Variants in TERB1 observed in about 807,000 individuals in gnomAD.
TERB1 encodes the protein telomere repeat binding bouquet formation protein 1.
In TERB1, 63 loss-of-function variants were observed where a neutral mutation model predicts 92.3. That is an observed-to-expected ratio of 0.68 (90% CI 0.56 to 0.84). The LOEUF is 0.84. TERB1 is among the 40% of genes least tolerant of loss of function. The pLI, the probability that TERB1 is intolerant of heterozygous loss-of-function variation, is 0.00. For synonymous variants in TERB1, 252 were observed against 283.9 expected, an observed-to-expected ratio of 0.89 and a Z score of 1.13; for missense variants, 709 against 843.7, an observed-to-expected ratio of 0.84 and a Z score of 1.98.
At chr16:66,787,882 G>A (rs748056602) in intron 6 of TERB1, among the ~76,000 whole-genome samples, 2 of 152,114 alleles carry the variant, frequency 1.3e-5, no homozygotes, top group African/African-American at 2.4e-5. Context: ...CCAACATGGT[G>A]CAACCCCTGT....
intron 16 of TERB1, among the ~76,000 whole-genome samples, chr16:66,761,119 AAAAAAAAGAAAAG>A (rs1297784552): frequency 2.7e-4 from 41 of 150,258 alleles, no homozygotes; most frequent in African/African-American, 9.7e-4. Flanking sequence ...CAAAAAAAAA[AAAAAAAAGAAAAG>A]AAAAGAAAAA....
rs1434869864 is a variant in TERB1 at position 66,770,018 on chromosome 16, T to C, written c.1564A>G (p.Asn522Asp). 6.4e-7 allele frequency: 1 copy of C among 1,551,706 alleles called. No homozygotes were observed. The highest frequency in any genetic ancestry group is 8.7e-7 in the Non-Finnish European group (1 of 1,146,992). ...GTAGTTTCTTCATGTAAGTTTTGATTGCAGCTTGACTTGGCTTTATATAAA... is the reference window on the plus strand; with the variant it reads ...GTAGTTTCTTCATGTAAGTTTTGATCGCAGCTTGACTTGGCTTTATATAAA... ...KTLYKAKSSC[N>D]QNLHEETTFE... Residue 522 changes from asparagine to aspartate, a missense_variant, in exon 14 of 19, where the codon AAT becomes GAT. Coordinates refer to ENST00000433154, the MANE Select transcript of TERB1 (RefSeq NM_001136505.2).
chr16:66,765,849 A>AT (rs10564947), intron 16 of TERB1, among the ~76,000 whole-genome samples: 1,776 of 62,542 alleles, frequency 0.028, 284 homozygotes, highest in East Asian at 0.046. Context: ...ACTATTGGGT[A>AT]TTTTTTTTTT....
At chr16:66,799,157 G>A (rs1260194382) in intron 2 of TERB1, among the ~76,000 whole-genome samples, 1 of 152,126 alleles carries the variant, frequency 6.6e-6, no homozygotes, top group Non-Finnish European at 1.5e-5. Context: ...ACAACCTTAA[G>A]GACTATTTCC....
intron 5 of TERB1, among the ~76,000 whole-genome samples, chr16:66,788,565 T>C (rs1433267646): frequency 6.7e-6 from 1 of 148,158 alleles, no homozygotes; most frequent in Non-Finnish European, 1.5e-5. Flanking sequence ...AAAACTTACC[T>C]GAATAAAAAA....
chr16:66,795,689 G>A (rs1395670381), intron 3 of TERB1, among the ~76,000 whole-genome samples: 1 of 152,198 alleles, frequency 6.6e-6, no homozygotes, highest in Non-Finnish European at 1.5e-5. Context: ...TCCCTCTTCA[G>A]AAATTCTGTC....
At chr16:66,777,609 T>C (rs2018569838) in intron 10 of TERB1, among the ~76,000 whole-genome samples, 1 of 152,176 alleles carries the variant, frequency 6.6e-6, no homozygotes, top group Non-Finnish European at 1.5e-5. Context: ...TTGAAGAATT[T>C]TTTTCTTAAT....
intron 17 of TERB1, 110 bp from the exon 18 acceptor site, chr16:66,758,948 A>G: frequency 1.1e-6 from 1 of 950,370 alleles, no homozygotes; most frequent in Non-Finnish European, 1.6e-6. Context: ...GAATACTTAG[A>G]TAGATTAGGA....
chr16:66,796,736 C>T (rs990486131), intron 3 of TERB1, 32 bp downstream of exon 3: 4 of 1,469,274 alleles, frequency 2.7e-6, no homozygotes, highest in Non-Finnish European at 3.7e-6. Flanking sequence ...ATACAAAACT[C>T]ATTGCAGATA....
intron 10 of TERB1, 73 bp downstream of exon 10, chr16:66,778,790 C>T: frequency 3.3e-6 from 4 of 1,210,948 alleles, no homozygotes; most frequent in Non-Finnish European, 4.4e-6. Flanking sequence ...ATTCAATCTA[C>T]TATTTCAACA....
At position 66,779,083 on chromosome 16, in the gene TERB1, A is replaced by G; in HGVS notation, c.701-68T>C. On this transcript the variant is annotated intron_variant, in intron 9 of 18. Transcript: ENST00000433154. ...ACAGCTGAATGGTTTTATTCAATAA[A>G]TCTGCATTAAATATAACATTGACCT... 4.2e-6 allele frequency: 5 copies of G among 1,191,164 alleles called. No individual in the cohort carries two copies. In the South Asian group the frequency reaches 1.1e-4, roughly 26 times the overall value. The allele number at this position is 1,191,164 out of a possible 1,614,324, so 73.8% of individuals were successfully genotyped here.
chr16:66,766,874 T>C (rs989705377), intron 16 of TERB1, among the ~76,000 whole-genome samples: 4 of 152,208 alleles, frequency 2.6e-5, no homozygotes, highest in African/African-American at 9.6e-5. Flanking sequence ...TTTGAACTCC[T>C]GGCCTCAAGA....
At chr16:66,789,017 C>T (rs1269951742) in intron 5 of TERB1, among the ~76,000 whole-genome samples, 1 of 68,330 alleles carries the variant, frequency 1.5e-5, no homozygotes, top group African/African-American at 4.9e-5. Context: ...GGTATGGTAC[C>T]AAAAAAAAAA....
At chr16:66,790,831 TAAAG>T in intron 4 of TERB1, 74 bp downstream of exon 4, 1 of 1,404,680 alleles carries the variant, frequency 7.1e-7, no homozygotes, top group Non-Finnish European at 9.8e-7. Flanking sequence ...GAATGGAAGA[TAAAG>T]AACTATGCTT....
chr16:66,793,004 T>A (rs1482235112), intron 3 of TERB1, among the ~76,000 whole-genome samples: 2 of 151,312 alleles, frequency 1.3e-5, no homozygotes, highest in Admixed American at 1.3e-4. Flanking sequence ...TTATTTTATT[T>A]TATAAAATTT....
Position 66,772,725 on chromosome 16 carries a change from C to T in TERB1, c.1136G>A (p.Gly379Glu). 1 of 1,542,700 alleles carries T rather than the reference C, an allele frequency of 6.5e-7. No individual in the cohort carries two copies. The highest frequency in any genetic ancestry group is 1.2e-5 in the South Asian group (1 of 82,010). The change falls in exon 13 of 19, where the codon GGA becomes GAA. Residue 379 changes from glycine (G) to glutamate (E), a missense_variant. Gly to Glu is a moderately conservative substitution (Grantham distance 98, BLOSUM62 -2). Transcript: ENST00000433154. ...TTCATTTTCATCAAAAGGATATTCT[C>T]CTAGACTTAGAGATAATTTCTCAGC... ...KITEKLSLSLGEYPFDENETQ... is the reference protein window; with the variant it reads ...KITEKLSLSLEEYPFDENETQ...
rs148244335 is a variant in TERB1 at position 66,790,714 on chromosome 16, C to T, written c.152G>A (p.Ser51Asn). The T allele has an allele frequency of 4.3e-4, 666 of 1,550,730 alleles. 3 individuals are homozygous for T. In the African/African-American group the frequency reaches 8.4e-3, roughly 20 times the overall value. ...HSICQQNSNA[S>N]VYFREIGGLM... ...ACCACCAATTTCCCGAAAATAAACACTTGCATTACCTGTAGGATGTGCAGA... is the reference window on the plus strand; with the variant it reads ...ACCACCAATTTCCCGAAAATAAACATTTGCATTACCTGTAGGATGTGCAGA... The change falls in exon 5 of 19, where the codon AGT becomes AAT. Residue 51 changes from serine (S) to asparagine (N), a missense_variant. Coordinates refer to ENST00000433154, the MANE Select transcript of TERB1 (RefSeq NM_001136505.2).
Position 66,769,969 on chromosome 16 carries a change from T to G in TERB1, c.1613A>C (p.Gln538Pro), listed in dbSNP as rs752926064. 26 of 1,547,794 alleles carry G rather than the reference T, an allele frequency of 1.7e-5. No individual in the cohort carries two copies. In the African/African-American group the frequency reaches 3.6e-4, roughly 21 times the overall value. ...ETTFEKNFVS[Q>P]SSDHVFKHPV... ...CACAATTATTAAACTATACCTTGAT[T>G]GAGAAACAAAATTCTTTTCAAAAGT... Residue 538 changes from glutamine (Q) to proline (P), a missense_variant, in exon 14 of 19, where the codon CAA (glutamine) becomes CCA (proline). By Grantham distance (76) the Gln-to-Pro change is moderately conservative. Transcript: ENST00000433154.
intron 16 of TERB1, among the ~76,000 whole-genome samples, chr16:66,767,080 G>C (rs2145101412): frequency 6.6e-6 from 1 of 151,962 alleles, no homozygotes; most frequent in South Asian, 2.1e-4. Flanking sequence ...TGTAACACCA[G>C]CACTTTGAGA....
Sources: allele counts gnomAD v4.1 joint callset (sites outside exome capture counted in the v4.1 genomes callset), GRCh38; gene constraint gnomAD v4.1.1; transcripts MANE v1.5; gene names NCBI Gene and HGNC (gene_info 2026-07-23, HGNC 2026-07-21).